Variants in KIAA1217 observed in about 807,000 individuals in gnomAD.
KIAA1217 encodes the protein sickle tail protein homolog.
A neutral mutation model predicts 163.9 loss-of-function variants in KIAA1217; 88 were observed. That is an observed-to-expected ratio of 0.54 (90% CI 0.45 to 0.64). The LOEUF (loss-of-function observed/expected upper bound fraction) is 0.64, where lower values mean the gene tolerates loss of function less well. KIAA1217 is among the 30% of genes least tolerant of loss of function. KIAA1217 has a pLI of 0.00. For missense variants in KIAA1217, 2,372 were observed against 2,475.0 expected, an observed-to-expected ratio of 0.96 and a Z score of 0.88; for synonymous variants, 903 against 923.1, an observed-to-expected ratio of 0.98 and a Z score of 0.39.
chr10:24,365,374 C>T (rs981109887), intron 2 of KIAA1217, among the ~76,000 whole-genome samples: 7 of 150,012 alleles, frequency 4.7e-5, no homozygotes, highest in South Asian at 2.1e-4. Flanking sequence ...CTTATCATCG[C>T]TCTGTGATTT....
intron 2 of KIAA1217, among the ~76,000 whole-genome samples, chr10:24,167,420 T>G (rs1292256785): frequency 2.0e-5 from 3 of 152,060 alleles, no homozygotes; most frequent in Non-Finnish European, 4.4e-5. Flanking sequence ...AAGTCATTTG[T>G]TGGTAACAGC....
At chr10:24,496,638 A>G (rs1288173833) in intron 8 of KIAA1217, among the ~76,000 whole-genome samples, 1 of 152,224 alleles carries the variant, frequency 6.6e-6, no homozygotes, top group Non-Finnish European at 1.5e-5. Context: ...TCCTTACCGC[A>G]GCATCTAGGG....
rs1371898678 is a variant in KIAA1217, at chr10:23,824,123, A to C, written c.-321+128889A>C. 3.3e-5 allele frequency among the ~76,000 whole-genome samples: 5 copies of C among 152,070 alleles called. No homozygotes were observed. The East Asian group carries it at 7.8e-4, about 24-fold the overall frequency. On this transcript the variant is annotated intron_variant, in intron 1 of 18. Transcript: ENST00000376462. Reference sequence around the variant, plus strand: ...CCCATCTCTACAAAAAATACAAAAAATTAGCCCAGCGTGTTGGTGCACACC... The same window carrying C: ...CCCATCTCTACAAAAAATACAAAAACTTAGCCCAGCGTGTTGGTGCACACC...
intron 1 of KIAA1217, among the ~76,000 whole-genome samples, chr10:23,842,692 T>G (rs996316792): frequency 1.3e-5 from 2 of 152,096 alleles, no homozygotes; most frequent in Non-Finnish European, 2.9e-5. Flanking sequence ...CTTCACATGA[T>G]GACATAAGTG....
chr10:24,149,139 T>C lies in KIAA1217; in HGVS notation c.-170-70487T>C, dbSNP rs116824052. ...AGAACTGACAGTTTATAGAAAAGTA[T>C]AATATAAACAACAATTTTTTTCCTC... On this transcript the variant is annotated intron_variant, in intron 2 of 18. Coordinates refer to the KIAA1217 transcript ENST00000376462. Among the ~76,000 whole-genome samples, 614 of 152,276 alleles carry C rather than the reference T, an allele frequency of 4.0e-3. 3 individuals carry two copies. Among genetic ancestry groups the C allele is most frequent in the African/African-American group, 0.014 (585 of 41,542 alleles).
At chr10:24,240,334 C>G (rs2072917571) in intron 2 of KIAA1217, among the ~76,000 whole-genome samples, 1 of 152,130 alleles carries the variant, frequency 6.6e-6, no homozygotes, top group Non-Finnish European at 1.5e-5. Flanking sequence ...TCGAAAGATA[C>G]CTGTGAAATG....
rs527903546 is a variant in KIAA1217, at chr10:24,052,069, G to A, written c.-171+44695G>A. On this transcript the variant is annotated intron_variant, in intron 2 of 18. Coordinates refer to the KIAA1217 transcript ENST00000376462. ...TTCTTATTAACCTCTGATATATTGT[G>A]TCTCTCGTGCTCTGCTACCTGCACT... Among the ~76,000 whole-genome samples the A allele has an allele frequency of 1.5e-4, 23 of 152,162 alleles. No homozygotes were observed. In the South Asian group the frequency reaches 4.6e-3, roughly 30 times the overall value.
intron 2 of KIAA1217, among the ~76,000 whole-genome samples, chr10:24,164,650 A>C (rs1279475527): frequency 6.6e-6 from 1 of 152,142 alleles, no homozygotes; most frequent in Non-Finnish European, 1.5e-5. Flanking sequence ...AAGAATATTA[A>C]ATGGACCTAT....
At chr10:24,080,259 C>T (rs74691631) in intron 2 of KIAA1217, among the ~76,000 whole-genome samples, 3,824 of 152,260 alleles carry the variant, frequency 0.025, 150 homozygotes, top group African/African-American at 0.088. Flanking sequence ...GCTGGCTGAG[C>T]AGGACCTTCC....
intron 5 of KIAA1217, among the ~76,000 whole-genome samples, chr10:24,464,197 A>G (rs2062708142): frequency 6.6e-6 from 1 of 152,176 alleles, no homozygotes; most frequent in Non-Finnish European, 1.5e-5. Flanking sequence ...GGCGCTTGCT[A>G]AAGAGCATTT....
At chr10:24,277,365 C>T (rs745912165) in intron 2 of KIAA1217, among the ~76,000 whole-genome samples, 5 of 152,162 alleles carry the variant, frequency 3.3e-5, no homozygotes, top group African/African-American at 1.2e-4. Flanking sequence ...CTCTTCTTAG[C>T]GGCTTCCTAG....
chr10:23,882,816 A>G (rs1321397252), intron 1 of KIAA1217, among the ~76,000 whole-genome samples: 1 of 151,956 alleles, frequency 6.6e-6, no homozygotes, highest in Non-Finnish European at 1.5e-5. Flanking sequence ...TGGAGATTGA[A>G]AAATATTTAT....
intron 2 of KIAA1217, among the ~76,000 whole-genome samples, chr10:24,203,117 G>C (rs1331686053): frequency 6.6e-6 from 1 of 150,868 alleles, no homozygotes; most frequent in African/African-American, 2.4e-5. Flanking sequence ...TTGAGCCCAA[G>C]AAGTTGAAGC....
chr10:24,520,627 C>CAAAAAAAAAAA (rs71472812), intron 11 of KIAA1217, among the ~76,000 whole-genome samples: 13 of 44,928 alleles, frequency 2.9e-4, no homozygotes, highest in Non-Finnish European at 3.3e-4. Flanking sequence ...ACATCTCTAC[C>CAAAAAAAAAAA]AAAAAAAAAA....
Position 24,536,768 on chromosome 10 carries a change from C to T in KIAA1217, c.3415-6C>T, listed in dbSNP as rs989607223. On this transcript the variant is annotated splice_region_variant and splice_polypyrimidine_tract_variant and intron_variant, in intron 16 of 20. Transcript: ENST00000376454. ...CCCTGTTAACCTCAGTATTTTAATT[C>T]CTTAGGCATTCCAGAAGTGTTCCTT... 3 of 1,613,000 alleles carry T rather than the reference C, an allele frequency of 1.9e-6. No homozygotes were observed. The highest frequency in any genetic ancestry group is 2.5e-6 in the Non-Finnish European group (3 of 1,179,236).
chr10:23,725,826 A>G (rs1838100713), intron 1 of KIAA1217, among the ~76,000 whole-genome samples: 1 of 152,240 alleles, frequency 6.6e-6, no homozygotes, highest in Non-Finnish European at 1.5e-5. Context: ...TTTTCCAAGA[A>G]TAGTAGCGTT....
At chr10:24,130,127 C>T (rs963534991) in intron 2 of KIAA1217, among the ~76,000 whole-genome samples, 3 of 152,122 alleles carry the variant, frequency 2.0e-5, no homozygotes, top group Non-Finnish European at 2.9e-5. Flanking sequence ...TATAACTCAA[C>T]CTTTCAATGA....
chr10:24,142,371 T>C (rs1458283724), intron 2 of KIAA1217, among the ~76,000 whole-genome samples: 1 of 152,202 alleles, frequency 6.6e-6, no homozygotes, highest in Non-Finnish European at 1.5e-5. Flanking sequence ...TTCATTGTTC[T>C]TAAGCATTAT....
At chr10:23,934,579 A>ATATGTG (rs1554826369) in intron 1 of KIAA1217, among the ~76,000 whole-genome samples, 12 of 59,780 alleles carry the variant, frequency 2.0e-4, no homozygotes, top group African/African-American at 1.6e-3. Context: ...ATATATATAT[A>ATATGTG]TATATATATA....
Sources: gnomAD v4.1 joint callset for allele counts (sites outside exome capture counted in the v4.1 genomes callset) on GRCh38, gnomAD v4.1.1 for gene constraint, MANE v1.5 for transcripts, NCBI Gene and HGNC (gene_info 2026-07-23, HGNC 2026-07-21) for gene names.